SEMA5A: variants seen among roughly 807,000 people sequenced by gnomAD.
The protein encoded by SEMA5A is semaphorin-5A.
A neutral mutation model predicts 135.5 loss-of-function variants in SEMA5A; 55 were observed. The ratio of observed to expected loss-of-function variants is 0.41; its 90% CI spans 0.33 to 0.51. SEMA5A has a LOEUF of 0.51. SEMA5A is among the 20% of genes least tolerant of loss of function. The pLI is 0.37. For synonymous variants in SEMA5A, 580 were observed against 546.5 expected, an observed-to-expected ratio of 1.06 and a Z score of -0.85; for missense variants, 1,290 against 1,419.9, an observed-to-expected ratio of 0.91 and a Z score of 1.47.
chr5:9,169,416 A>T (rs950814084), intron 11 of SEMA5A, among the ~76,000 whole-genome samples: 4 of 152,216 alleles, frequency 2.6e-5, no homozygotes, highest in African/African-American at 9.6e-5. Flanking sequence ...ATGGAGTAAT[A>T]CATATATAAT....
chr5:9,347,435 T>C (rs1021710167), intron 3 of SEMA5A, among the ~76,000 whole-genome samples: 1 of 152,214 alleles, frequency 6.6e-6, no homozygotes, highest in African/African-American at 2.4e-5. Flanking sequence ...GGCTTCCTGG[T>C]GGATGTCTCA....
intron 1 of SEMA5A, among the ~76,000 whole-genome samples, chr5:9,439,095 C>A (rs942713677): frequency 2.0e-5 from 3 of 152,118 alleles, no homozygotes; most frequent in Non-Finnish European, 4.4e-5. Context: ...GCCCAGGCAC[C>A]CTCATATCGT....
At chr5:9,410,393 G>A (rs1757061766) in intron 2 of SEMA5A, among the ~76,000 whole-genome samples, 1 of 152,038 alleles carries the variant, frequency 6.6e-6, no homozygotes, top group Non-Finnish European at 1.5e-5. Flanking sequence ...TTTTCCTGGG[G>A]CTGTTTTACT....
At chr5:9,310,510 C>T (rs531594283) in intron 5 of SEMA5A, among the ~76,000 whole-genome samples, 1 of 152,130 alleles carries the variant, frequency 6.6e-6, no homozygotes, top group Admixed American at 6.6e-5. Flanking sequence ...AGACCAGTCT[C>T]TCCTTGCCCA....
rs372321939 is a variant in SEMA5A, at chr5:9,154,093, A to ATATATATATATGTGTGTGTGTG, written c.1481+394_1481+395insCACACACACACATATATATATA. Among the ~76,000 whole-genome samples the ATATATATATATGTGTGTGTGTG allele has an allele frequency of 4.1e-3, 296 of 73,080 alleles. 1 individual carries two copies. Among genetic ancestry groups the ATATATATATATGTGTGTGTGTG allele is most frequent in the Non-Finnish European group, 5.9e-3 (238 of 40,594 alleles). The allele number at this position is 73,080 out of a possible 152,430, so 47.9% of individuals were successfully genotyped here. The stretch of plus-strand genomic sequence containing the variant: ...TATATATATATATATATATATATAT[A>ATATATATATATGTGTGTGTGTG]TGTGTGTGTGTGTATGTGTGTGTAT... On this transcript the variant is annotated intron_variant, in intron 12 of 22. Transcript: ENST00000382496.
chr5:9,534,406 C>T (rs548225107), intron 1 of SEMA5A, among the ~76,000 whole-genome samples: 139 of 152,312 alleles, frequency 9.1e-4, no homozygotes, highest in Admixed American at 2.3e-3. Context: ...TTGAAAAACA[C>T]TTAGCAACAA....
At chr5:9,241,679 G>A (rs1421831502) in intron 5 of SEMA5A, among the ~76,000 whole-genome samples, 2 of 152,048 alleles carry the variant, frequency 1.3e-5, no homozygotes, top group African/African-American at 4.8e-5. Flanking sequence ...ATTGGACCGT[G>A]TTGCACACAG....
In SEMA5A at chr5:9,395,656, C is replaced by T. The variant is rs907810813; in HGVS notation, c.-77-15633G>A. ...GACTTGGCCATACTGCATTTTGGTC[C>T]TCAAAGTGGCCCCCGTAGCTAGGTA... On this transcript the variant is annotated intron_variant, in intron 2 of 22. Coordinates refer to ENST00000382496, the MANE Select transcript of SEMA5A (RefSeq NM_003966.3). Among the ~76,000 whole-genome samples, 10 of 152,326 alleles carry T rather than the reference C, an allele frequency of 6.6e-5. No individual in the cohort carries two copies. The East Asian group carries it at 1.9e-3, about 29-fold the overall frequency.
intron 1 of SEMA5A, among the ~76,000 whole-genome samples, chr5:9,525,607 C>T (rs895824506): frequency 1.3e-5 from 2 of 152,208 alleles, no homozygotes; most frequent in African/African-American, 4.8e-5. Context: ...AACCAATCTG[C>T]TAACACCTTG....
intron 3 of SEMA5A, among the ~76,000 whole-genome samples, chr5:9,366,829 C>T (rs557868508): frequency 2.0e-4 from 30 of 152,288 alleles, no homozygotes; most frequent in African/African-American, 7.0e-4. Flanking sequence ...GTGGTAGGAA[C>T]CTTAGATATA....
At chr5:9,163,801 G>C (rs1392604752) in intron 11 of SEMA5A, among the ~76,000 whole-genome samples, 1 of 151,696 alleles carries the variant, frequency 6.6e-6, no homozygotes, top group Non-Finnish European at 1.5e-5. Context: ...ACCATGGAAG[G>C]ACAAAGAGAG....
chr5:9,138,216 A>C (rs550645393), intron 12 of SEMA5A, among the ~76,000 whole-genome samples: 1 of 152,220 alleles, frequency 6.6e-6, no homozygotes, highest in Non-Finnish European at 1.5e-5. Context: ...CCATTCAAAA[A>C]TACAAACAAG....
At chr5:9,425,463 G>A (rs1474586026) in intron 2 of SEMA5A, among the ~76,000 whole-genome samples, 3 of 152,212 alleles carry the variant, frequency 2.0e-5, no homozygotes, top group African/African-American at 7.2e-5. Flanking sequence ...AAGAAAAGCA[G>A]TCAGTGTGTG....
intron 5 of SEMA5A, among the ~76,000 whole-genome samples, chr5:9,303,977 A>G (rs2150620864): frequency 6.6e-6 from 1 of 152,320 alleles, no homozygotes; most frequent in African/African-American, 2.4e-5. Flanking sequence ...TTGAAGAAAA[A>G]CAAAATAGAC....
intron 16 of SEMA5A, among the ~76,000 whole-genome samples, chr5:9,105,077 CAG>C (rs1396054248): frequency 6.6e-6 from 1 of 152,210 alleles, no homozygotes; most frequent in Non-Finnish European, 1.5e-5. Context: ...CTCAAGTTCA[CAG>C]AGTTAAGTGA....
intron 13 of SEMA5A, among the ~76,000 whole-genome samples, chr5:9,133,135 A>G (rs1741529226): frequency 6.6e-6 from 1 of 152,264 alleles, no homozygotes; most frequent in Admixed American, 6.5e-5. Flanking sequence ...AGATTTGCCC[A>G]ATAAAATTAA....
intron 1 of SEMA5A, among the ~76,000 whole-genome samples, chr5:9,493,024 G>A (rs1055054995): frequency 6.6e-6 from 1 of 152,078 alleles, no homozygotes; most frequent in African/African-American, 2.4e-5. Context: ...TCTGGGTGAT[G>A]ATGATGTGCC....
intron 1 of SEMA5A, among the ~76,000 whole-genome samples, chr5:9,469,779 GC>G (rs1306313138): frequency 3.9e-5 from 6 of 152,194 alleles, no homozygotes; most frequent in African/African-American, 1.4e-4. Context: ...GCAACCTTCA[GC>G]ATGCAAGAAC....
At chr5:9,248,641 G>A (rs1221418981) in intron 5 of SEMA5A, among the ~76,000 whole-genome samples, 1 of 151,994 alleles carries the variant, frequency 6.6e-6, no homozygotes, top group African/African-American at 2.4e-5. Context: ...TATTCAGGGA[G>A]CATCTCAACA....
Sources: allele counts gnomAD v4.1 joint callset (sites outside exome capture counted in the v4.1 genomes callset), GRCh38; gene constraint gnomAD v4.1.1; transcripts MANE v1.5; gene names NCBI Gene and HGNC (gene_info 2026-07-23, HGNC 2026-07-21).